LOC400499: variants seen among roughly 807,000 people sequenced by gnomAD.
At chr16:11,500,369 G>A in the LOC400499 span, among the ~76,000 whole-genome samples, 1 of 152,126 alleles carries the variant, frequency 6.6e-6, no homozygotes, top group African/African-American at 2.4e-5. Flanking sequence ...AACTTAGCCA[G>A]GTGGGGTGGT....
chr16:11,448,663 G>C, the LOC400499 span, among the ~76,000 whole-genome samples: 3 of 152,254 alleles, frequency 2.0e-5, no homozygotes, highest in East Asian at 5.8e-4. Context: ...GACATTCGAG[G>C]CTGCAGTGAG....
chr16:11,394,222 C>A, the LOC400499 span, among the ~76,000 whole-genome samples: 1 of 152,216 alleles, frequency 6.6e-6, no homozygotes, highest in African/African-American at 2.4e-5. Flanking sequence ...CACTGGGCAG[C>A]TTACCTAAGT....
chr16:11,515,889 CAGCCTAGCCCAGCCCAGCCCAGCCT>C, the LOC400499 span: 5 of 42,354 alleles, frequency 1.2e-4, no homozygotes, highest in African/African-American at 8.2e-4. Context: ...CAGCCCAGCC[CAGCCTAGCCCAGCCCAGCCCAGCCT>C]AGCCCAGCAC....
the LOC400499 span, among the ~76,000 whole-genome samples, chr16:11,478,305 G>T: frequency 1.3e-5 from 2 of 151,756 alleles, no homozygotes; most frequent in East Asian, 3.9e-4. Flanking sequence ...TGGGATTACA[G>T]GCGTGAGCCA....
chr16:11,409,081 C>G, the LOC400499 span, among the ~76,000 whole-genome samples: 3 of 151,594 alleles, frequency 2.0e-5, no homozygotes, highest in African/African-American at 7.3e-5. Flanking sequence ...GCCAACGTGG[C>G]GAAACCCCAT....
chr16:11,442,747 A>T, the LOC400499 span, among the ~76,000 whole-genome samples: 1 of 152,230 alleles, frequency 6.6e-6, no homozygotes, highest in African/African-American at 2.4e-5. Flanking sequence ...TAAGCAGACC[A>T]AACAAAACCC....
chr16:11,429,202 A>C, the LOC400499 span, among the ~76,000 whole-genome samples: 6 of 152,232 alleles, frequency 3.9e-5, no homozygotes, highest in South Asian at 1.2e-3. Context: ...TAAACAGTTT[A>C]GTAGCATCCC....
chr16:11,456,043 ATTT>A, the LOC400499 span, among the ~76,000 whole-genome samples: 1 of 142,396 alleles, frequency 7.0e-6, no homozygotes, highest in Non-Finnish European at 1.5e-5. Context: ...CGTGGATAAA[ATTT>A]TTTTTTTTTT....
the LOC400499 span, among the ~76,000 whole-genome samples, chr16:11,455,543 T>C: frequency 3.9e-5 from 6 of 151,914 alleles, no homozygotes; most frequent in Non-Finnish European, 5.9e-5. Flanking sequence ...AAGACCAGCC[T>C]GGCCAACAGA....
At chr16:11,484,124 C>T in the LOC400499 span, among the ~76,000 whole-genome samples, 1 of 149,424 alleles carries the variant, frequency 6.7e-6, no homozygotes, top group African/African-American at 2.4e-5. Flanking sequence ...TCTCCTGCCT[C>T]AGCCTCCCAA....
chr16:11,379,014 A>C, the LOC400499 span, among the ~76,000 whole-genome samples: 1 of 152,234 alleles, frequency 6.6e-6, no homozygotes, highest in South Asian at 2.1e-4. Flanking sequence ...CTGTAACCCC[A>C]GCACTTTAGG....
At chr16:11,396,708 A>G in the LOC400499 span, 1 of 1,231,526 alleles carries the variant, frequency 8.1e-7, no homozygotes, top group Non-Finnish European at 1.0e-6. Flanking sequence ...TCAGGCAGGC[A>G]CAGGGGTGGC....
chr16:11,498,100 C>T, the LOC400499 span, among the ~76,000 whole-genome samples: 2 of 152,180 alleles, frequency 1.3e-5, no homozygotes, highest in Admixed American at 1.3e-4. Context: ...CCAGGAAGCA[C>T]TGGGACCTGG....
chr16:11,395,041 G>C, the LOC400499 span, among the ~76,000 whole-genome samples: 1 of 152,228 alleles, frequency 6.6e-6, no homozygotes, highest in Non-Finnish European at 1.5e-5. Flanking sequence ...CTACAGCCCA[G>C]GACTCCTGTG....
chr16:11,427,971 A>C, the LOC400499 span, among the ~76,000 whole-genome samples: 1 of 152,200 alleles, frequency 6.6e-6, no homozygotes, highest in Non-Finnish European at 1.5e-5. Flanking sequence ...TCCAGACCCC[A>C]AGACAGGCTT....
At chr16:11,385,305 G>GTGTT in the LOC400499 span, 1 of 1,232,322 alleles carries the variant, frequency 8.1e-7, no homozygotes, top group Non-Finnish European at 1.0e-6. Context: ...CAGCGAGAAT[G>GTGTT]TGTTGTGAGC....
At chr16:11,376,785 T>C in the LOC400499 span, among the ~76,000 whole-genome samples, 1 of 152,204 alleles carries the variant, frequency 6.6e-6, no homozygotes, top group East Asian at 1.9e-4. Context: ...CTTTGAGTAG[T>C]ATTGACATCT....
At chr16:11,473,253 CTAAATGCAACT>C in the LOC400499 span, 1 of 150,814 alleles carries the variant, frequency 6.6e-6, no homozygotes, top group Non-Finnish European at 1.5e-5. Flanking sequence ...ATTTACAATT[CTAAATGCAACT>C]TAAATGCAAA....
chr16:11,428,973 C>A, the LOC400499 span, among the ~76,000 whole-genome samples: 2 of 152,048 alleles, frequency 1.3e-5, no homozygotes, highest in African/African-American at 2.4e-5. Flanking sequence ...GGGACTCCCA[C>A]GGGGCAAATC....
Sources: gnomAD v4.1 joint callset for allele counts (sites outside exome capture counted in the v4.1 genomes callset) on GRCh38, gnomAD v4.1.1 for gene constraint, MANE v1.5 for transcripts.